RALGPS2: variants seen among roughly 807,000 people sequenced by gnomAD.
The protein encoded by RALGPS2 is Ral GEF with PH domain and SH3 binding motif 2.
RALGPS2 carries 43 observed loss-of-function variants against 86.8 expected under a neutral mutation model. The ratio of observed to expected loss-of-function variants is 0.50; its 90% CI spans 0.39 to 0.64. RALGPS2 has a LOEUF of 0.64. RALGPS2 is among the 30% of genes least tolerant of loss of function. RALGPS2 has a pLI of 0.00. For missense variants in RALGPS2, 536 were observed against 694.6 expected (o/e 0.77, Z 2.57); for synonymous variants, 243 against 231.3 (o/e 1.05, Z -0.46).
rs145242854 is a variant in RALGPS2, at chr1:178,874,870, C to T, written c.608-2628C>T. On this transcript the variant is annotated intron_variant, in intron 8 of 19. Coordinates refer to ENST00000367635, the MANE Select transcript of RALGPS2 (RefSeq NM_152663.5). The stretch of plus-strand genomic sequence containing the variant: ...CTCCTAAGCAGTCTGCCCGCCTCAG[C>T]CTCCCGAAGTGCTGAGATTACAGGC... Among the ~76,000 whole-genome samples the T allele has an allele frequency of 4.8e-4, 73 of 152,282 alleles. 1 individual carries two copies. The East Asian group carries it at 0.012, about 25-fold the overall frequency.
chr1:178,856,198 G>T (rs371837673), intron 8 of RALGPS2, among the ~76,000 whole-genome samples: 880 of 46,586 alleles, frequency 0.019, 3 homozygotes, highest in African/African-American at 0.024. Context: ...TCCAGAGAGA[G>T]AGAGATATAT....
chr1:178,870,328 A>G (rs556337916), intron 8 of RALGPS2, among the ~76,000 whole-genome samples: 3 of 152,282 alleles, frequency 2.0e-5, no homozygotes, highest in Admixed American at 6.5e-5. Flanking sequence ...CAGCACACAC[A>G]CTGTGGCTGC....
intron 19 of RALGPS2, among the ~76,000 whole-genome samples, chr1:178,911,488 A>G (rs1356855832): frequency 6.6e-6 from 1 of 152,132 alleles, no homozygotes; most frequent in African/African-American, 2.4e-5. Context: ...CATTTGGAAG[A>G]AAGTTGTTTA....
intron 8 of RALGPS2, chr1:178,850,263 A>T (rs960173171): frequency 3.1e-4 from 47 of 152,642 alleles, no homozygotes; most frequent in African/African-American, 1.1e-3. Context: ...TTTTCTTTGT[A>T]GTAGTAAGAT....
intron 1 of RALGPS2, among the ~76,000 whole-genome samples, chr1:178,761,527 A>T (rs1315618473): frequency 6.6e-6 from 1 of 151,752 alleles, no homozygotes; most frequent in Non-Finnish European, 1.5e-5. Flanking sequence ...TGTTTGGTTC[A>T]GTTTATTGAT....
chr1:178,854,492 A>C (rs1331767529), intron 8 of RALGPS2, among the ~76,000 whole-genome samples: 1 of 152,168 alleles, frequency 6.6e-6, no homozygotes, highest in Non-Finnish European at 1.5e-5. Context: ...TAGAATCTTA[A>C]ATTTCCCCCA....
intron 16 of RALGPS2, among the ~76,000 whole-genome samples, chr1:178,897,349 G>A (rs1014169759): frequency 4.6e-5 from 7 of 152,006 alleles, no homozygotes; most frequent in Non-Finnish European, 1.0e-4. Context: ...GGACTGTAAA[G>A]CAAACTTCTT....
intron 5 of RALGPS2, among the ~76,000 whole-genome samples, chr1:178,809,705 C>T (rs979714592): frequency 3.3e-5 from 5 of 151,742 alleles, no homozygotes; most frequent in Admixed American, 1.3e-4. Flanking sequence ...GTACACTTAC[C>T]CTTCCAGTAT....
At chr1:178,761,807 C>T (rs114893181) in intron 1 of RALGPS2, among the ~76,000 whole-genome samples, 7,880 of 152,096 alleles carry the variant, frequency 0.052, 301 homozygotes, top group African/African-American at 0.11. Context: ...ATGATCCACC[C>T]GCCTTCACCT....
chr1:178,788,079 A>G (rs964450800), intron 4 of RALGPS2, among the ~76,000 whole-genome samples: 10 of 152,080 alleles, frequency 6.6e-5, no homozygotes, highest in African/African-American at 2.4e-4. Context: ...CTGGTCTAAG[A>G]TATACTAGCC....
intron 4 of RALGPS2, among the ~76,000 whole-genome samples, chr1:178,794,086 G>C (rs575531765): frequency 9.9e-5 from 15 of 151,984 alleles, no homozygotes; most frequent in African/African-American, 3.6e-4. Flanking sequence ...GATCATGAAG[G>C]TTTGTTTTCT....
chr1:178,741,709 A>T (rs1040442435), intron 1 of RALGPS2, among the ~76,000 whole-genome samples: 1 of 152,250 alleles, frequency 6.6e-6, no homozygotes, highest in Non-Finnish European at 1.5e-5. Flanking sequence ...ATTAGAAACT[A>T]TACTTACTTA....
At chr1:178,779,892 C>A (rs1288290252) in intron 2 of RALGPS2, among the ~76,000 whole-genome samples, 2 of 152,160 alleles carry the variant, frequency 1.3e-5, no homozygotes, top group Non-Finnish European at 2.9e-5. Flanking sequence ...TGCCACCACG[C>A]CTGGCTAATT....
At chr1:178,772,761 A>G (rs541344043) in intron 1 of RALGPS2, among the ~76,000 whole-genome samples, 1 of 152,224 alleles carries the variant, frequency 6.6e-6, no homozygotes, top group South Asian at 2.1e-4. Flanking sequence ...TTATTGACTG[A>G]AGGCAAAACA....
chr1:178,904,304 C>G (rs944764434), intron 18 of RALGPS2, among the ~76,000 whole-genome samples: 1 of 152,134 alleles, frequency 6.6e-6, no homozygotes, highest in Non-Finnish European at 1.5e-5. Context: ...TATGGGTTGT[C>G]TGTTTACTCT....
intron 8 of RALGPS2, chr1:178,869,293 C>T (rs145085962): frequency 6.6e-6 from 1 of 152,044 alleles, no homozygotes; most frequent in Admixed American, 6.6e-5. Context: ...AGGCATTTAA[C>T]TGGCTGTGTC....
intron 1 of RALGPS2, among the ~76,000 whole-genome samples, chr1:178,766,899 T>C (rs1020815523): frequency 1.3e-5 from 2 of 152,230 alleles, no homozygotes; most frequent in Non-Finnish European, 2.9e-5. Context: ...AGTTGGTCTC[T>C]TTACATAATC....
intron 5 of RALGPS2, among the ~76,000 whole-genome samples, chr1:178,809,188 G>A (rs1477570151): frequency 2.0e-5 from 3 of 151,500 alleles, no homozygotes; most frequent in Non-Finnish European, 4.4e-5. Flanking sequence ...TTTTCTCCTT[G>A]ACCACCCAGA....
At chr1:178,820,316 A>C (rs886949221) in intron 6 of RALGPS2, among the ~76,000 whole-genome samples, 1 of 152,146 alleles carries the variant, frequency 6.6e-6, no homozygotes, top group Non-Finnish European at 1.5e-5. Flanking sequence ...AAATTCTCCA[A>C]ATCCTCCACT....
Sources: gnomAD v4.1 joint callset for allele counts (sites outside exome capture counted in the v4.1 genomes callset) on GRCh38, gnomAD v4.1.1 for gene constraint, MANE v1.5 for transcripts, NCBI Gene and HGNC (gene_info 2026-07-23, HGNC 2026-07-21) for gene names.